ABCC4: variants seen among roughly 807,000 people sequenced by gnomAD.
ABCC4 encodes the protein ATP binding cassette subfamily C member 4 (PEL blood group), also known as ATP-binding cassette sub-family C member 4.
ABCC4 carries 102 observed loss-of-function variants against 168.5 expected under a neutral mutation model. The observed-to-expected ratio is 0.61, with a 90% CI of 0.52 to 0.71. ABCC4 has a LOEUF of 0.71. ABCC4 is among the 30% of genes least tolerant of loss of function. ABCC4 has a pLI of 0.00. For missense variants in ABCC4, 1,402 were observed against 1,605.8 expected (o/e 0.87, Z 2.17); for synonymous variants, 617 against 590.7 (o/e 1.04, Z -0.65).
At chr13:95,284,671 C>T (rs1269106532) in intron 1 of ABCC4, among the ~76,000 whole-genome samples, 1 of 152,184 alleles carries the variant, frequency 6.6e-6, no homozygotes, top group East Asian at 1.9e-4. Context: ...GTTTGACTCC[C>T]ACTGGAACAT....
chr13:95,033,623 A>G (rs2031987369), intron 30 of ABCC4, among the ~76,000 whole-genome samples: 1 of 151,616 alleles, frequency 6.6e-6, no homozygotes, highest in South Asian at 2.1e-4. Flanking sequence ...TAGCTATAAC[A>G]TATTATAAAT....
At chr13:95,175,961 C>T (rs1249934766) in intron 13 of ABCC4, among the ~76,000 whole-genome samples, 2 of 152,074 alleles carry the variant, frequency 1.3e-5, no homozygotes, top group Non-Finnish European at 1.5e-5. Flanking sequence ...CAGGTGCCTG[C>T]CTGCTGTCCT....
chr13:95,296,092 C>G (rs930554299), intron 1 of ABCC4, among the ~76,000 whole-genome samples: 1 of 150,960 alleles, frequency 6.6e-6, no homozygotes, highest in Non-Finnish European at 1.5e-5. Context: ...ATGATTGCAT[C>G]ACTGCACTCC....
intron 26 of ABCC4, among the ~76,000 whole-genome samples, chr13:95,057,496 C>T (rs2033109071): frequency 6.6e-6 from 1 of 152,170 alleles, no homozygotes; most frequent in Non-Finnish European, 1.5e-5. Context: ...CCTTGGCCTC[C>T]CAAAGTGCTG....
chr13:95,087,875 C>T (rs2034308544), intron 20 of ABCC4, among the ~76,000 whole-genome samples: 1 of 152,212 alleles, frequency 6.6e-6, no homozygotes, highest in Non-Finnish European at 1.5e-5. Context: ...GTTACCTCAT[C>T]CAACCCAGTG....
At chr13:95,184,139 C>T (rs1032754362) in intron 11 of ABCC4, among the ~76,000 whole-genome samples, 2 of 152,226 alleles carry the variant, frequency 1.3e-5, no homozygotes, top group African/African-American at 4.8e-5. Flanking sequence ...CACGCAGAAG[C>T]CCGCAGGTGC....
intron 1 of ABCC4, among the ~76,000 whole-genome samples, chr13:95,283,726 T>C (rs2041188211): frequency 6.6e-6 from 1 of 151,828 alleles, no homozygotes; most frequent in Non-Finnish European, 1.5e-5. Flanking sequence ...AAGACCAGCC[T>C]AGCCAACATG....
At chr13:95,177,072 T>C (rs951904694) in intron 13 of ABCC4, among the ~76,000 whole-genome samples, 1 of 152,226 alleles carries the variant, frequency 6.6e-6, no homozygotes, top group African/African-American at 2.4e-5. Flanking sequence ...CAGGCCTACA[T>C]GCCTGTGGGT....
At chr13:95,131,994 C>T (rs749703687) in intron 19 of ABCC4, among the ~76,000 whole-genome samples, 42 of 152,058 alleles carry the variant, frequency 2.8e-4, no homozygotes, top group South Asian at 1.7e-3. Context: ...AAGAGATATG[C>T]GCACACTCAT....
intron 1 of ABCC4, among the ~76,000 whole-genome samples, chr13:95,278,854 A>G (rs1390997523): frequency 2.0e-5 from 3 of 150,742 alleles, no homozygotes; most frequent in East Asian, 1.9e-4. Flanking sequence ...CAACAACTCA[A>G]TGAACTCAGA....
At chr13:95,024,906 A>G (rs2031312679) in intron 30 of ABCC4, among the ~76,000 whole-genome samples, 2 of 152,018 alleles carry the variant, frequency 1.3e-5, no homozygotes, top group Non-Finnish European at 2.9e-5. Context: ...GTAAAATATC[A>G]TGAAGGGCTG....
At chr13:95,189,291 G>C (rs1180158681) in intron 9 of ABCC4, among the ~76,000 whole-genome samples, 1 of 150,742 alleles carries the variant, frequency 6.6e-6, no homozygotes, top group Non-Finnish European at 1.5e-5. Flanking sequence ...CTGCCACTGC[G>C]CCCAGCTAAT....
chr13:95,128,216 A>G (rs2035849750), intron 19 of ABCC4, among the ~76,000 whole-genome samples: 1 of 152,188 alleles, frequency 6.6e-6, no homozygotes, highest in African/African-American at 2.4e-5. Flanking sequence ...GATGCCAATT[A>G]ATCACAGTCA....
At chr13:95,124,465 GA>G (rs1481475779) in intron 19 of ABCC4, among the ~76,000 whole-genome samples, 1 of 151,202 alleles carries the variant, frequency 6.6e-6, no homozygotes, top group Non-Finnish European at 1.5e-5. Context: ...ACCAAGGGGA[GA>G]GGACTGTTTG....
rs886313221 is a variant in ABCC4 at position 95,062,892 on chromosome 13, A to G, written c.3211-33T>C. 5 of 1,324,928 alleles carry G rather than the reference A, an allele frequency of 3.8e-6. No homozygotes were observed. The African/African-American group carries it at 8.6e-5, about 23-fold the overall frequency. 82.1% of individuals were successfully genotyped at this position (1,324,928 alleles called of 1,614,324 possible). The stretch of plus-strand genomic sequence containing the variant: ...GAGATCCAGGCGGCAGGATTAAAAA[A>G]AAAAAGAAAAAAATCACAGGATGCA... On this transcript the variant is annotated intron_variant, in intron 25 of 30. Coordinates refer to ENST00000645237, the MANE Select transcript of ABCC4 (RefSeq NM_005845.5).
At chr13:95,215,453 A>G in intron 4 of ABCC4, among the ~76,000 whole-genome samples, 1 of 152,236 alleles carries the variant, frequency 6.6e-6, no homozygotes, top group East Asian at 1.9e-4. Context: ...AAAAACAACT[A>G]GCTGCTTAGA....
At chr13:95,249,609 A>T (rs1479427977) in intron 1 of ABCC4, among the ~76,000 whole-genome samples, 1 of 152,162 alleles carries the variant, frequency 6.6e-6, no homozygotes, top group Non-Finnish European at 1.5e-5. Flanking sequence ...CTCCTCCAAA[A>T]TGTGTCCAGA....
intron 19 of ABCC4, among the ~76,000 whole-genome samples, chr13:95,154,060 TTTCA>T (rs2036777550): frequency 6.6e-6 from 1 of 152,224 alleles, no homozygotes; most frequent in Non-Finnish European, 1.5e-5. Context: ...CTCTTAGCTG[TTTCA>T]TTCAAAGCTG....
At chr13:95,100,250 A>G (rs2139371518) in intron 20 of ABCC4, among the ~76,000 whole-genome samples, 1 of 152,334 alleles carries the variant, frequency 6.6e-6, no homozygotes, top group Middle Eastern at 3.4e-3. Context: ...CAGACTTGAT[A>G]AAAATGAGAC....
Sources: allele counts gnomAD v4.1 joint callset (sites outside exome capture counted in the v4.1 genomes callset), GRCh38; gene constraint gnomAD v4.1.1; transcripts MANE v1.5; gene names NCBI Gene and HGNC (gene_info 2026-07-23, HGNC 2026-07-21).